Variants in ABCA13 observed in about 807,000 individuals in gnomAD.
The protein encoded by ABCA13 is ATP binding cassette subfamily A member 13, also known as ATP-binding cassette sub-family A member 13.
In ABCA13, 476 loss-of-function variants were observed where a neutral mutation model predicts 478.7. The observed-to-expected ratio is 0.99, with a 90% CI of 0.92 to 1.07. The LOEUF is 1.07. Ranked by LOEUF, ABCA13 falls within the 50% of genes least tolerant of loss-of-function variation. The probability of loss-of-function intolerance (pLI) is 0.00; values close to 1 mark genes in which losing one functional copy is unlikely to be tolerated. For missense variants in ABCA13, 6,060 were observed against 5,910.6 expected, an observed-to-expected ratio of 1.03 and a Z score of -0.83; for synonymous variants, 2,252 against 2,158.9, an observed-to-expected ratio of 1.04 and a Z score of -1.20.
chr7:48,196,047 C>G (rs570540810), intron 2 of ABCA13, among the ~76,000 whole-genome samples: 1 of 152,182 alleles, frequency 6.6e-6, no homozygotes, highest in East Asian at 1.9e-4. Context: ...TTGCATGCAA[C>G]CAGAGGATAA....
chr7:48,392,118 A>G lies in ABCA13; in HGVS notation c.11852A>G (p.Glu3951Gly), dbSNP rs751909269. 7 of 1,613,896 alleles carry G rather than the reference A, an allele frequency of 4.3e-6. 1 individual carries two copies. The South Asian group carries it at 7.7e-5, about 18-fold the overall frequency. The change falls in exon 38 of 62, where the codon GAG becomes GGG. Residue 3951 changes from glutamate (E) to glycine (G), a missense_variant. By Grantham distance (98) the Glu-to-Gly change is moderately conservative (BLOSUM62 -2). Coordinates refer to ENST00000435803, the MANE Select transcript of ABCA13 (RefSeq NM_152701.5). ...AAGGCGCCTCAGTGGACCAAGAAGG[A>G]GCTGCATCAGCAAGTCAATCAGTTA... ...SIKAPQWTKK[E>G]LHQQVNQTLQ...
chr7:48,310,219 A>G, intron 24 of ABCA13, 78 bp downstream of exon 24: 1 of 1,480,914 alleles, frequency 6.8e-7, no homozygotes. Flanking sequence ...CAGTAGTCCT[A>G]GGGGTGCGGC....
chr7:48,432,102 C>G (rs182220622), intron 42 of ABCA13, among the ~76,000 whole-genome samples: 3 of 152,122 alleles, frequency 2.0e-5, no homozygotes, highest in African/African-American at 4.8e-5. Flanking sequence ...TATGTGTATA[C>G]ATTATATATA....
intron 55 of ABCA13, among the ~76,000 whole-genome samples, chr7:48,551,085 A>T (rs1337320357): frequency 6.6e-6 from 1 of 151,644 alleles, no homozygotes; most frequent in Non-Finnish European, 1.5e-5. Flanking sequence ...TTTCTTTTAA[A>T]TTAGTTTATC....
At chr7:48,624,236 A>G (rs997039003) in intron 59 of ABCA13, among the ~76,000 whole-genome samples, 1 of 152,126 alleles carries the variant, frequency 6.6e-6, no homozygotes, top group Admixed American at 6.5e-5. Flanking sequence ...TCTGCATGTC[A>G]TAAATTGAGC....
At chr7:48,287,449 G>A (rs746163758) in intron 19 of ABCA13, among the ~76,000 whole-genome samples, 3 of 152,166 alleles carry the variant, frequency 2.0e-5, no homozygotes, top group Non-Finnish European at 4.4e-5. Flanking sequence ...AGGTCATGCT[G>A]AGCAGATGGG....
chr7:48,367,753 T>G (rs1365172749), intron 31 of ABCA13, 41 bp from the exon 32 acceptor site: 4 of 1,459,858 alleles, frequency 2.7e-6, no homozygotes, highest in Non-Finnish European at 2.8e-6. Context: ...GTAGAGTCAT[T>G]TTGCTTGTCT....
chr7:48,453,800 T>G (rs12540368), intron 42 of ABCA13, among the ~76,000 whole-genome samples: 1 of 152,020 alleles, frequency 6.6e-6, no homozygotes. Flanking sequence ...CTGGGTTATT[T>G]CTTTACATTT....
intron 55 of ABCA13, among the ~76,000 whole-genome samples, chr7:48,578,330 T>C (rs1788386811): frequency 6.6e-6 from 1 of 152,074 alleles, no homozygotes; most frequent in African/African-American, 2.4e-5. Flanking sequence ...TCCCAAAGAA[T>C]TGTCAAAAAA....
chr7:48,314,601 A>T lies in ABCA13; in HGVS notation c.9859+192A>T, dbSNP rs547784009. Among the ~76,000 whole-genome samples, 12 of 152,268 alleles carry T rather than the reference A, an allele frequency of 7.9e-5. No homozygotes were observed. In the South Asian group the frequency reaches 2.1e-3, roughly 26 times the overall value. On this transcript the variant is annotated intron_variant, in intron 26 of 61. Transcript: ENST00000435803. ...GTTCTAGTGCCTTTGAGCACAGACAAATCCTCTCACCTGAGTCACTAAGGA... is the reference window on the plus strand; with the variant it reads ...GTTCTAGTGCCTTTGAGCACAGACATATCCTCTCACCTGAGTCACTAAGGA...
chr7:48,356,356 G>T (rs1393988734), intron 31 of ABCA13, among the ~76,000 whole-genome samples: 3 of 151,498 alleles, frequency 2.0e-5, no homozygotes, highest in Admixed American at 6.6e-5. Flanking sequence ...AGAAATGGGA[G>T]GTGACTTCTT....
rs760575912 is a variant in ABCA13 at position 48,275,849 on chromosome 7, G to A, written c.6183G>A (p.Lys2061=). The change falls in exon 17 of 62, where the codon AAG becomes AAA. Residue 2061 remains lysine, a synonymous_variant. Transcript: ENST00000435803. ...TPYNFEELWP[K]FQQIMKDLTQ... ...ACAACTTTGAAGAACTATGGCCCAA[G>A]TTTCAACAAATCATGAAAGACCTAA... 1.5e-5 allele frequency: 24 copies of A among 1,613,210 alleles called. No individual in the cohort carries two copies. Among genetic ancestry groups the A allele is most frequent in the Non-Finnish European group, 1.9e-5 (23 of 1,179,786 alleles).
rs1487242207 is a variant in ABCA13 at position 48,278,670 on chromosome 7, G to A, written c.7476G>A (p.Leu2492=). ...GAGCAAGTGAAGAAAGTCACGTCCT[G>A]AAACCCCTCTTAGAAATGTCTGGGA... is the stretch of plus-strand genomic sequence containing the variant. ...ISRASEESHV[L]KPLLEMSGTL... is the part of the protein sequence containing the mutation. The change falls in exon 18 of 62, where the codon CTG becomes CTA. Residue 2492 remains leucine, a synonymous_variant. Coordinates refer to ENST00000435803, the MANE Select transcript of ABCA13 (RefSeq NM_152701.5). The A allele has an allele frequency of 1.9e-6, 3 of 1,613,508 alleles. No individual in the cohort carries two copies. In the African/African-American group the frequency reaches 4.0e-5, roughly 22 times the overall value.
chr7:48,527,498 A>G (rs1468512957), intron 54 of ABCA13, among the ~76,000 whole-genome samples: 3 of 152,210 alleles, frequency 2.0e-5, no homozygotes, highest in African/African-American at 7.2e-5. Context: ...ACTGTCACCA[A>G]GGTGGACTCT....
intron 27 of ABCA13, among the ~76,000 whole-genome samples, chr7:48,329,929 C>T (rs1165090459): frequency 1.3e-5 from 2 of 151,888 alleles, no homozygotes; most frequent in Admixed American, 1.3e-4. Context: ...ATCCACACAT[C>T]TATTCATCCA....
chr7:48,223,950 C>G (rs1388339963), intron 5 of ABCA13, among the ~76,000 whole-genome samples: 1 of 132,144 alleles, frequency 7.6e-6, no homozygotes, highest in African/African-American at 3.2e-5. Context: ...CAGAGCAAGA[C>G]TCGGTCTCAA....
chr7:48,266,497 T>A (rs922334423), intron 15 of ABCA13, among the ~76,000 whole-genome samples: 6 of 151,792 alleles, frequency 4.0e-5, no homozygotes, highest in Admixed American at 2.6e-4. Context: ...GGATTTTTTT[T>A]AAACTGTATT....
At chr7:48,459,569 A>G (rs76042196) in intron 43 of ABCA13, among the ~76,000 whole-genome samples, 2,643 of 152,190 alleles carry the variant, frequency 0.017, 79 homozygotes, top group African/African-American at 0.06. Context: ...CTCTCATCTG[A>G]ATGTCTGTCA....
intron 54 of ABCA13, among the ~76,000 whole-genome samples, chr7:48,526,249 A>T (rs1253382575): frequency 6.6e-6 from 1 of 152,176 alleles, no homozygotes; most frequent in Non-Finnish European, 1.5e-5. Flanking sequence ...GGAAAAGGTC[A>T]GAGTAAAACT....
Sources: gnomAD v4.1 joint callset for allele counts (sites outside exome capture counted in the v4.1 genomes callset) on GRCh38, gnomAD v4.1.1 for gene constraint, MANE v1.5 for transcripts, NCBI Gene and HGNC (gene_info 2026-07-23, HGNC 2026-07-21) for gene names.